ERBB4: variants seen among roughly 807,000 people sequenced by gnomAD.
The protein encoded by ERBB4 is receptor tyrosine-protein kinase erbB-4.
Under a neutral mutation model 158.0 loss-of-function variants are expected in ERBB4, and 42 were observed. That is an observed-to-expected ratio of 0.27 (90% CI 0.21 to 0.34). The LOEUF (loss-of-function observed/expected upper bound fraction) is 0.34. Ranked by LOEUF, ERBB4 falls within the 10% of genes least tolerant of loss-of-function variation. The pLI is 1.00. For missense variants in ERBB4, 1,333 were observed against 1,624.1 expected (o/e 0.82, Z 3.08); for synonymous variants, 583 against 558.7 (o/e 1.04, Z -0.61).
chr2:212,241,238 G>C (rs535606467), intron 1 of ERBB4, among the ~76,000 whole-genome samples: 1 of 151,932 alleles, frequency 6.6e-6, no homozygotes, highest in African/African-American at 2.4e-5. Context: ...GATTGGGTGA[G>C]AGAGTGAGGC....
At chr2:212,004,305 A>G (rs180972925) in intron 2 of ERBB4, among the ~76,000 whole-genome samples, 6 of 152,330 alleles carry the variant, frequency 3.9e-5, no homozygotes, top group African/African-American at 1.4e-4. Flanking sequence ...TTGGAAGCCT[A>G]TTTGGAAATA....
intron 20 of ERBB4, among the ~76,000 whole-genome samples, chr2:211,539,259 A>G (rs557088077): frequency 6.6e-5 from 10 of 152,064 alleles, no homozygotes; most frequent in African/African-American, 2.2e-4. Flanking sequence ...AATCAAAGCT[A>G]TTTGGTAGTA....
Position 211,874,365 on chromosome 2 carries a change from T to G in ERBB4, c.421+73065A>C, listed in dbSNP as rs180817537. Among the ~76,000 whole-genome samples, 3 of 152,296 alleles carry G rather than the reference T, an allele frequency of 2.0e-5. No homozygotes were observed. The East Asian group carries it at 5.8e-4, about 29-fold the overall frequency. On this transcript the variant is annotated intron_variant, in intron 3 of 27. Transcript: ENST00000342788. ...TCAGCTTTGCATCTAACTTTGTTCTTGTCTTACCCTATCTACTCTTGATCA... is the reference window on the plus strand; with the variant it reads ...TCAGCTTTGCATCTAACTTTGTTCTGGTCTTACCCTATCTACTCTTGATCA...
rs986345367 is a variant in ERBB4, at chr2:211,623,816, A to C, written c.2202+106T>G. On this transcript the variant is annotated intron_variant, in intron 18 of 27. Transcript: ENST00000342788. ...ATATTATAAAAGTCTTCCTTTCTGA[A>C]TATTATAAGAAAATTAGGTTGTCTA... 2.5e-5 allele frequency: 27 copies of C among 1,101,648 alleles called. No homozygotes were observed. In the African/African-American group the frequency reaches 4.3e-4, roughly 17 times the overall value. The allele number at this position is 1,101,648 out of a possible 1,614,324, so 68.2% of individuals were successfully genotyped here. A position where few individuals can be genotyped will look rare whatever the true frequency, so the allele number is the denominator to read the frequency against.
At chr2:212,133,402 TTTTTG>T (rs1162350747) in intron 1 of ERBB4, among the ~76,000 whole-genome samples, 1 of 146,688 alleles carries the variant, frequency 6.8e-6, no homozygotes, top group South Asian at 2.1e-4. Context: ...TGGTGTTTTT[TTTTTG>T]TTTTGTTTTG....
intron 1 of ERBB4, among the ~76,000 whole-genome samples, chr2:212,140,889 A>G (rs1340109435): frequency 2.4e-5 from 3 of 122,780 alleles, no homozygotes; most frequent in South Asian, 3.0e-4. Context: ...GTGTGTGTGT[A>G]GAGGGGAGTA....
intron 1 of ERBB4, among the ~76,000 whole-genome samples, chr2:212,291,948 A>G (rs976266500): frequency 7.2e-5 from 11 of 152,150 alleles, no homozygotes; most frequent in Non-Finnish European, 4.4e-5. Context: ...GGACTGTTAC[A>G]ATTAATCATT....
In ERBB4 at chr2:212,404,437, T is replaced by C. The variant is rs1218153717; in HGVS notation, c.82+134012A>G. On this transcript the variant is annotated intron_variant, in intron 1 of 27. Coordinates refer to ENST00000342788, the MANE Select transcript of ERBB4 (RefSeq NM_005235.3). Reference sequence around the variant, plus strand: ...TCCATCTGTTCTTTGATTCAACAAATATTTTTGAGCAATGACTATGTGCCC... The same window carrying C: ...TCCATCTGTTCTTTGATTCAACAAACATTTTTGAGCAATGACTATGTGCCC... Among the ~76,000 whole-genome samples, 3 of 152,148 alleles carry C rather than the reference T, an allele frequency of 2.0e-5. 1 individual carries two copies. The highest frequency in any genetic ancestry group is 3.4e-3 in the Middle Eastern group (1 of 294).
chr2:211,641,765 T>C (rs2070601953), intron 16 of ERBB4, among the ~76,000 whole-genome samples: 1 of 152,126 alleles, frequency 6.6e-6, no homozygotes, highest in South Asian at 2.1e-4. Flanking sequence ...TGACCTCAAT[T>C]CATTCCATTT....
intron 1 of ERBB4, among the ~76,000 whole-genome samples, chr2:212,240,271 C>A (rs560798086): frequency 2.0e-5 from 3 of 152,206 alleles, no homozygotes; most frequent in African/African-American, 7.2e-5. Flanking sequence ...TTCCCCTCAC[C>A]TTTCTCCTTT....
chr2:211,516,957 G>C lies in ERBB4; in HGVS notation c.2487+44946C>G, dbSNP rs138956181. Among the ~76,000 whole-genome samples the C allele has an allele frequency of 2.6e-5, 4 of 152,198 alleles. No individual in the cohort carries two copies. In the East Asian group the frequency reaches 7.7e-4, roughly 29 times the overall value. On this transcript the variant is annotated intron_variant, in intron 20 of 27. Transcript: ENST00000342788. Reference sequence around the variant, plus strand: ...GTAGCCAATTCTTTCCCACCATCAGGTTCTGAATCTCACCAATTTTCTCAC... The same window carrying C: ...GTAGCCAATTCTTTCCCACCATCAGCTTCTGAATCTCACCAATTTTCTCAC...
chr2:211,394,503 A>G (rs1836719), intron 25 of ERBB4, among the ~76,000 whole-genome samples: 50,808 of 151,986 alleles, frequency 0.33, 8,615 homozygotes, highest in African/African-American at 0.35. Flanking sequence ...AGAAACCTAA[A>G]GAGGAAAACT....
chr2:211,691,602 G>GTGTGTGTGTGTA (rs1225867697), intron 12 of ERBB4, among the ~76,000 whole-genome samples: 1,571 of 145,352 alleles, frequency 0.011, 29 homozygotes, highest in African/African-American at 0.038. Context: ...GTGTGTGTGT[G>GTGTGTGTGTGTA]TATATATATA....
intron 3 of ERBB4, among the ~76,000 whole-genome samples, chr2:211,824,583 T>C (rs955561405): frequency 3.9e-5 from 6 of 152,062 alleles, no homozygotes; most frequent in Non-Finnish European, 8.8e-5. Flanking sequence ...AAAAGTTTTA[T>C]GAAAGTTCAT....
chr2:211,972,578 T>G (rs2081484869), intron 2 of ERBB4, among the ~76,000 whole-genome samples: 2 of 151,702 alleles, frequency 1.3e-5, no homozygotes, highest in African/African-American at 4.8e-5. Flanking sequence ...GAGAACAGAA[T>G]AGAGAACCCA....
chr2:212,086,467 T>C (rs2078616131), intron 2 of ERBB4, among the ~76,000 whole-genome samples: 1 of 152,018 alleles, frequency 6.6e-6, no homozygotes, highest in Admixed American at 6.6e-5. Context: ...AAACCAAATC[T>C]TATCTTTAAA....
chr2:211,561,812 G>T, intron 20 of ERBB4, 91 bp downstream of exon 20: 1 of 1,125,282 alleles, frequency 8.9e-7, no homozygotes, highest in African/African-American at 1.5e-5. Flanking sequence ...ATTTAAATGG[G>T]AAGACAACAT....
intron 1 of ERBB4, among the ~76,000 whole-genome samples, chr2:212,328,640 T>C (rs1156809111): frequency 5.3e-5 from 8 of 152,030 alleles, no homozygotes; most frequent in Admixed American, 5.2e-4. Flanking sequence ...GGATTTCTTA[T>C]ACCATATAGT....
At chr2:212,285,747 A>G (rs977735396) in intron 1 of ERBB4, among the ~76,000 whole-genome samples, 16 of 152,222 alleles carry the variant, frequency 1.1e-4, no homozygotes, top group African/African-American at 3.9e-4. Context: ...AAATTGATTT[A>G]TAAAGTAAGA....
Sources: allele counts gnomAD v4.1 joint callset (sites outside exome capture counted in the v4.1 genomes callset), GRCh38; gene constraint gnomAD v4.1.1; transcripts MANE v1.5; gene names NCBI Gene and HGNC (gene_info 2026-07-23, HGNC 2026-07-21).